PCGF5: variants seen among roughly 807,000 people sequenced by gnomAD.
The protein encoded by PCGF5 is polycomb group RING finger protein 5.
PCGF5 carries 9 observed loss-of-function variants against 44.3 expected under a neutral mutation model. The ratio of observed to expected loss-of-function variants is 0.20; its 90% CI spans 0.12 to 0.35. The LOEUF is 0.35. Among genes scored for constraint, PCGF5 ranks in the 10% least tolerant of loss-of-function variants. PCGF5 has a pLI of 1.00. For missense variants in PCGF5, 146 were observed against 305.3 expected (o/e 0.48, Z 3.89); for synonymous variants, 95 against 102.5 (o/e 0.93, Z 0.44).
chr10:91,170,899 G>A (rs1045389854), intron 1 of PCGF5, among the ~76,000 whole-genome samples: 9 of 152,170 alleles, frequency 5.9e-5, no homozygotes, highest in African/African-American at 2.2e-4. Context: ...TCCAGGTAAT[G>A]GAATATTAGT....
At chr10:91,164,618 T>G (rs1202539234) in intron 1 of PCGF5, among the ~76,000 whole-genome samples, 1 of 152,234 alleles carries the variant, frequency 6.6e-6, no homozygotes, top group Non-Finnish European at 1.5e-5. Flanking sequence ...AGCCAGATCC[T>G]AAAAGGAACC....
intron 1 of PCGF5, chr10:91,163,148 T>C (rs1335042297): frequency 6.7e-6 from 1 of 149,204 alleles, no homozygotes; most frequent in African/African-American, 2.4e-5. Flanking sequence ...GTTTCTGGCG[T>C]GGCTGTTTTC....
intron 9 of PCGF5, 28 bp from the exon 10 acceptor site, chr10:91,278,241 T>G: frequency 1.3e-6 from 2 of 1,549,914 alleles, no homozygotes. Context: ...AAATACAGTC[T>G]TATTTATTAT....
chr10:91,178,987 A>G (rs1412139317), intron 1 of PCGF5, among the ~76,000 whole-genome samples: 6 of 152,238 alleles, frequency 3.9e-5, no homozygotes, highest in African/African-American at 1.2e-4. Flanking sequence ...TGACTCTCCT[A>G]TCTCAAGATT....
chr10:91,178,928 C>T (rs1163945293), intron 1 of PCGF5, among the ~76,000 whole-genome samples: 2 of 152,200 alleles, frequency 1.3e-5, no homozygotes, highest in Non-Finnish European at 2.9e-5. Context: ...CTGATTTCAG[C>T]ACTCACTCTA....
chr10:91,242,967 A>G (rs1479792186), intron 3 of PCGF5, among the ~76,000 whole-genome samples: 1 of 152,198 alleles, frequency 6.6e-6, no homozygotes, highest in Non-Finnish European at 1.5e-5. Flanking sequence ...CGAAATTACC[A>G]CAAAGGAATT....
intron 1 of PCGF5, among the ~76,000 whole-genome samples, chr10:91,201,499 A>G (rs943878252): frequency 2.6e-5 from 4 of 152,190 alleles, no homozygotes; most frequent in Admixed American, 1.3e-4. Flanking sequence ...TCAAAGTGAA[A>G]GCTTACCAGG....
intron 1 of PCGF5, among the ~76,000 whole-genome samples, chr10:91,196,408 C>T (rs1264071965): frequency 6.6e-6 from 1 of 152,186 alleles, no homozygotes; most frequent in African/African-American, 2.4e-5. Context: ...AACACCCAAG[C>T]CCCACAGTAT....
At chr10:91,271,239 C>T (rs66538532) in intron 8 of PCGF5, among the ~76,000 whole-genome samples, 16,779 of 151,984 alleles carry the variant, frequency 0.11, 1,572 homozygotes, top group African/African-American at 0.25. Context: ...TTTCCTTGAA[C>T]AGTATTACTT....
chr10:91,278,546 C>T lies in PCGF5; in HGVS notation c.*230C>T. ...TCTGCATAAGGTATTTGTGTTGTCT[C>T]AAAGTGTGCAAGTCATGGTAAAAAT... On this transcript the variant is annotated 3_prime_UTR_variant, in exon 10 of 10. Coordinates refer to ENST00000336126, the MANE Select transcript of PCGF5 (RefSeq NM_032373.5). 2.1e-6 allele frequency: 1 copy of T among 486,062 alleles called. No individual in the cohort carries two copies. Among genetic ancestry groups the T allele is most frequent in the South Asian group, 3.5e-5 (1 of 28,546 alleles). 30.1% of individuals were successfully genotyped at this position (486,062 alleles called of 1,614,324 possible).
chr10:91,170,585 C>T lies in PCGF5; in HGVS notation c.-184+7504C>T, dbSNP rs78554770. ...ATACCACTATACACAATTGAAATGGCCAAAATTCAGAACACTGACAACAGC... is the reference window on the plus strand; with the variant it reads ...ATACCACTATACACAATTGAAATGGTCAAAATTCAGAACACTGACAACAGC... On this transcript the variant is annotated intron_variant, in intron 1 of 9. Transcript: ENST00000614189. Among the ~76,000 whole-genome samples, 212 of 152,280 alleles carry T rather than the reference C, an allele frequency of 1.4e-3. 7 individuals carry two copies. The East Asian group carries it at 0.035, about 25-fold the overall frequency.
chr10:91,274,435 A>G (rs748770289), intron 9 of PCGF5, among the ~76,000 whole-genome samples: 3 of 152,216 alleles, frequency 2.0e-5, no homozygotes, highest in Non-Finnish European at 4.4e-5. Context: ...CCTAGTATGT[A>G]TGAGTCTGTA....
At chr10:91,235,725 G>C (rs770620642) in intron 2 of PCGF5, among the ~76,000 whole-genome samples, 1 of 152,104 alleles carries the variant, frequency 6.6e-6, no homozygotes, top group Admixed American at 6.6e-5. Context: ...TAAGTCTCAC[G>C]AGATCTGGTG....
At chr10:91,156,954 G>T in the PCGF5 span, among the ~76,000 whole-genome samples, 55 of 152,312 alleles carry the variant, frequency 3.6e-4, no homozygotes, top group Admixed American at 1.2e-3. Context: ...ATGGTGTACA[G>T]GTTTGTCCAA....
intron 8 of PCGF5, among the ~76,000 whole-genome samples, chr10:91,270,223 C>G (rs769854005): frequency 8.5e-5 from 13 of 152,170 alleles, no homozygotes; most frequent in Non-Finnish European, 1.6e-4. Context: ...CTTTTCCCAG[C>G]TCATCCTGAT....
intron 2 of PCGF5, among the ~76,000 whole-genome samples, chr10:91,233,047 T>C (rs986604610): frequency 2.0e-5 from 3 of 152,168 alleles, no homozygotes; most frequent in South Asian, 2.1e-4. Flanking sequence ...GATTAGAGTT[T>C]AGTTGAGCAA....
chr10:91,169,607 T>C (rs1445280166), intron 1 of PCGF5, among the ~76,000 whole-genome samples: 2 of 152,274 alleles, frequency 1.3e-5, no homozygotes, highest in South Asian at 2.1e-4. Context: ...AGGAAAACTA[T>C]CAAATTTTGA....
chr10:91,175,013 T>G (rs568898761), intron 1 of PCGF5, among the ~76,000 whole-genome samples: 68 of 152,308 alleles, frequency 4.5e-4, no homozygotes, highest in African/African-American at 1.5e-3. Flanking sequence ...TAACTGAGGT[T>G]GAGAGGAGAT....
intron 2 of PCGF5, chr10:91,227,517 A>G: frequency 8.0e-7 from 1 of 1,245,140 alleles, no homozygotes; most frequent in Non-Finnish European, 1.0e-6. Context: ...TCTCTTTAAT[A>G]CTTCTCAAAT....
Sources: gnomAD v4.1 joint callset for allele counts (sites outside exome capture counted in the v4.1 genomes callset) on GRCh38, gnomAD v4.1.1 for gene constraint, MANE v1.5 for transcripts, NCBI Gene and HGNC (gene_info 2026-07-23, HGNC 2026-07-21) for gene names.